Variants in RYR2 observed in about 807,000 individuals in gnomAD.
RYR2 encodes cardiac muscle ryanodine receptor-calcium release channel.
RYR2 carries 227 observed loss-of-function variants against 601.1 expected under a neutral mutation model. The ratio of observed to expected loss-of-function variants is 0.38; its 90% CI spans 0.34 to 0.42. RYR2 has a LOEUF of 0.42. Ranked by LOEUF, RYR2 falls within the 10% of genes least tolerant of loss-of-function variation. The pLI is 1.00. For missense variants in RYR2, 4,646 were observed against 6,156.5 expected (o/e 0.75, Z 8.21); for synonymous variants, 2,223 against 2,175.1 (o/e 1.02, Z -0.61).
chr1:237,438,739 G>C (rs1707629344), intron 12 of RYR2, among the ~76,000 whole-genome samples: 1 of 152,248 alleles, frequency 6.6e-6, no homozygotes, highest in African/African-American at 2.4e-5. Flanking sequence ...TGCTGCCAGA[G>C]TAGCAGACAG....
intron 1 of RYR2, among the ~76,000 whole-genome samples, chr1:237,209,497 ATG>A (rs55861841): frequency 7.0e-6 from 1 of 143,300 alleles, no homozygotes; most frequent in Admixed American, 7.1e-5. Context: ...ATCTGCATAT[ATG>A]TGTGTGTGTG....
At chr1:237,155,858 G>T (rs546629121) in intron 1 of RYR2, among the ~76,000 whole-genome samples, 2 of 152,288 alleles carry the variant, frequency 1.3e-5, no homozygotes, top group Admixed American at 1.3e-4. Flanking sequence ...CAGGCATAAA[G>T]TGATCTCATT....
intron 17 of RYR2, among the ~76,000 whole-genome samples, chr1:237,470,207 C>A (rs1660560690): frequency 6.6e-6 from 1 of 152,152 alleles, no homozygotes; most frequent in African/African-American, 2.4e-5. Flanking sequence ...ATCTACCATA[C>A]CATCTGGCAC....
intron 38 of RYR2, among the ~76,000 whole-genome samples, chr1:237,620,595 G>A (rs933548664): frequency 1.3e-5 from 2 of 151,766 alleles, no homozygotes; most frequent in African/African-American, 2.4e-5. Flanking sequence ...AGATTAAAAG[G>A]GAAAAGTTAA....
intron 1 of RYR2, among the ~76,000 whole-genome samples, chr1:237,194,821 A>G (rs1019289686): frequency 4.6e-5 from 7 of 152,182 alleles, no homozygotes; most frequent in Non-Finnish European, 8.8e-5. Context: ...CTTCAATTGA[A>G]TCTTTCCTTG....
intron 69 of RYR2, 79 bp from the exon 70 acceptor site, chr1:237,709,401 C>T: frequency 1.1e-6 from 1 of 919,968 alleles, no homozygotes; most frequent in Non-Finnish European, 1.7e-6. Context: ...GTACATTTAA[C>T]TTTGGGGGGA....
intron 76 of RYR2, 132 bp downstream of exon 76, chr1:237,727,331 C>A: frequency 2.3e-6 from 1 of 431,900 alleles, no homozygotes; most frequent in Non-Finnish European, 4.1e-6. Context: ...GATTCTTCTA[C>A]ATAAAACTTG....
At position 237,831,507 on chromosome 1, in the gene RYR2, T is replaced by A. The variant is rs757297613; in HGVS notation, c.14757-7T>A. 358 of 1,508,230 alleles carry A rather than the reference T, an allele frequency of 2.4e-4. No individual in the cohort carries two copies. The highest frequency in any genetic ancestry group is 3.2e-4 in the Non-Finnish European group (346 of 1,086,916). The allele number at this position is 1,508,230 out of a possible 1,614,324, so 93.4% of individuals were successfully genotyped here. On this transcript the variant is annotated splice_polypyrimidine_tract_variant and splice_region_variant and intron_variant, in intron 103 of 104. Transcript: ENST00000366574. ...TTCATTTCTGATCAGTTTCTCTGTA[T>A]CTGTAGGTTTTTTCTGATGTATCTT...
At chr1:237,070,801 G>A (rs1162003087) in intron 1 of RYR2, among the ~76,000 whole-genome samples, 1 of 152,234 alleles carries the variant, frequency 6.6e-6, no homozygotes, top group Non-Finnish European at 1.5e-5. Context: ...GGCTGGATCA[G>A]ACCTACTGCA....
At chr1:237,191,025 C>CT (rs1348708904) in intron 1 of RYR2, among the ~76,000 whole-genome samples, 1 of 152,088 alleles carries the variant, frequency 6.6e-6, no homozygotes, top group African/African-American at 2.4e-5. Context: ...CTGTTTTCTT[C>CT]TAGGAGTTTT....
chr1:237,407,156 A>G (rs1248064119), intron 10 of RYR2, among the ~76,000 whole-genome samples: 1 of 152,282 alleles, frequency 6.6e-6, no homozygotes, highest in South Asian at 2.1e-4. Context: ...TCTTTTCATG[A>G]CTTGATAGCT....
intron 29 of RYR2, among the ~76,000 whole-genome samples, chr1:237,580,377 A>G (rs10925464): frequency 0.3 from 45,074 of 151,116 alleles, 7,181 homozygotes; most frequent in East Asian, 0.61. Flanking sequence ...GGCTGGTCTC[A>G]AACTCCTGAC....
chr1:237,291,488 T>A (rs995413317), intron 2 of RYR2, among the ~76,000 whole-genome samples: 2 of 152,214 alleles, frequency 1.3e-5, no homozygotes, highest in Non-Finnish European at 2.9e-5. Context: ...TGCACATAGA[T>A]GTTTATAGAA....
chr1:237,784,580 A>G lies in RYR2; in HGVS notation c.12868A>G (p.Ile4290Val). 6.2e-7 allele frequency: 1 copy of G among 1,613,916 alleles called. No homozygotes were observed. The highest frequency in any genetic ancestry group is 8.5e-7 in the Non-Finnish European group (1 of 1,179,868). Residue 4290 changes from isoleucine (I) to valine (V), a missense_variant, in exon 90 of 105, where the codon ATT (isoleucine) becomes GTT (valine). Physicochemically the swap from Ile to Val is conservative, Grantham distance 29. Coordinates refer to ENST00000366574, the MANE Select transcript of RYR2 (RefSeq NM_001035.3). This position sits in a 1 kb window ranked among gnomAD's most constrained non-coding sequence, Gnocchi z 7.1. ...VTAFFSSYWS[I>V]FMTLLHFVAS... ...GGCCTTCTTTTCATCCTACTGGAGTATTTTCATGACCCTCTTGCACTTCGT... is the reference window on the plus strand; with the variant it reads ...GGCCTTCTTTTCATCCTACTGGAGTGTTTTCATGACCCTCTTGCACTTCGT...
intron 10 of RYR2, among the ~76,000 whole-genome samples, chr1:237,402,439 A>C (rs1234635759): frequency 1.3e-5 from 2 of 151,844 alleles, no homozygotes; most frequent in Admixed American, 1.3e-4. Context: ...ATGTTCTAAG[A>C]ATTAAAAGAT....
intron 22 of RYR2, among the ~76,000 whole-genome samples, chr1:237,505,162 TGCTTA>T (rs1665087193): frequency 6.6e-6 from 1 of 152,210 alleles, no homozygotes; most frequent in Non-Finnish European, 1.5e-5. Flanking sequence ...TTTACTGGGA[TGCTTA>T]GAGTATGTTT....
intron 101 of RYR2, among the ~76,000 whole-genome samples, chr1:237,821,877 A>G (rs1048084607): frequency 2.0e-5 from 3 of 151,784 alleles, no homozygotes; most frequent in Non-Finnish European, 4.4e-5. Flanking sequence ...TTTGTGAAGC[A>G]TATATAAGTA....
chr1:237,263,672 T>G (rs1014489048), intron 1 of RYR2, among the ~76,000 whole-genome samples: 1 of 152,276 alleles, frequency 6.6e-6, no homozygotes, highest in South Asian at 2.1e-4. Context: ...TTTGTTGTAA[T>G]GGAAAGGCAG....
chr1:237,260,869 T>C (rs996819140), intron 1 of RYR2, among the ~76,000 whole-genome samples: 2 of 152,326 alleles, frequency 1.3e-5, no homozygotes, highest in South Asian at 4.1e-4. Context: ...TTCCCAAAGC[T>C]TGTCTGAAGA....
Sources: allele counts gnomAD v4.1 joint callset (sites outside exome capture counted in the v4.1 genomes callset), GRCh38; gene constraint gnomAD v4.1.1; non-coding constraint Gnocchi (gnomAD v3.1); transcripts MANE v1.5; gene names NCBI Gene and HGNC (gene_info 2026-07-23, HGNC 2026-07-21).